PARVA: variants seen among roughly 807,000 people sequenced by gnomAD.
The protein encoded by PARVA is alpha-parvin.
Under a neutral mutation model 52.6 loss-of-function variants are expected in PARVA, and 25 were observed. The observed-to-expected ratio is 0.48, with a 90% CI of 0.35 to 0.66. The LOEUF (loss-of-function observed/expected upper bound fraction) is 0.66, where lower values mean the gene tolerates loss of function less well. PARVA is among the 30% of genes least tolerant of loss of function. PARVA has a pLI of 0.01. For synonymous variants in PARVA, 185 were observed against 179.1 expected, an observed-to-expected ratio of 1.03 and a Z score of -0.26; for missense variants, 373 against 450.9, an observed-to-expected ratio of 0.83 and a Z score of 1.56.
chr11:12,508,553 C>T (rs947627986), intron 6 of PARVA, 31 bp from the exon 7 acceptor site: 33 of 1,531,850 alleles, frequency 2.2e-5, no homozygotes, highest in Non-Finnish European at 2.8e-5. Flanking sequence ...TTCTCTTCTC[C>T]TCCCAACCCC....
At chr11:12,386,971 G>C (rs188966634) in intron 1 of PARVA, among the ~76,000 whole-genome samples, 3 of 152,250 alleles carry the variant, frequency 2.0e-5, no homozygotes, top group Admixed American at 6.5e-5. Flanking sequence ...TCCATATTAG[G>C]AATCAGCCTT....
At chr11:12,432,318 G>A (rs1244919353) in intron 1 of PARVA, among the ~76,000 whole-genome samples, 3 of 152,220 alleles carry the variant, frequency 2.0e-5, no homozygotes, top group Admixed American at 1.3e-4. Flanking sequence ...GTTTAGGACA[G>A]TAGTATCTTT....
intron 1 of PARVA, among the ~76,000 whole-genome samples, chr11:12,411,873 C>CA (rs1429965127): frequency 6.6e-6 from 1 of 152,204 alleles, no homozygotes; most frequent in Non-Finnish European, 1.5e-5. Flanking sequence ...GCCCTGCCCA[C>CA]ATCACCAGCC....
rs1049085714 is a variant in PARVA, at chr11:12,510,635, T to C, written c.717-879T>C. On this transcript the variant is annotated intron_variant, in intron 7 of 12. Transcript: ENST00000334956. ...CATGGCCGGGGAGGCCTCAGAATCA[T>C]GGCAGGAGGCAAAAGGCTCTTCTTA... 2.0e-5 allele frequency among the ~76,000 whole-genome samples: 3 copies of C among 152,120 alleles called. No homozygotes were observed. In the East Asian group the frequency reaches 5.8e-4, roughly 29 times the overall value.
Position 12,454,310 on chromosome 11 carries a change from T to C in PARVA, c.137-19435T>C, listed in dbSNP as rs138118820. 3.6e-3 allele frequency among the ~76,000 whole-genome samples: 541 copies of C among 152,324 alleles called. 1 individual carries two copies. The highest frequency in any genetic ancestry group is 6.7e-3 in the Admixed American group (103 of 15,302). On this transcript the variant is annotated intron_variant, in intron 1 of 12. Transcript: ENST00000334956. ...TCCAATATTGACTAAATAGTATAAT[T>C]TTTTTCTTTACACAAATTGCCACTT...
At chr11:12,485,541 A>G (rs1435790372) in intron 4 of PARVA, among the ~76,000 whole-genome samples, 2 of 152,222 alleles carry the variant, frequency 1.3e-5, no homozygotes, top group African/African-American at 4.8e-5. Flanking sequence ...CAGTGGCCAA[A>G]GCTGGAATTA....
intron 4 of PARVA, among the ~76,000 whole-genome samples, chr11:12,489,682 C>T (rs1941207077): frequency 6.6e-6 from 1 of 152,138 alleles, no homozygotes; most frequent in Non-Finnish European, 1.5e-5. Flanking sequence ...TACACCTACA[C>T]ATTTTACAGT....
chr11:12,503,434 C>T (rs1383233801), intron 5 of PARVA, among the ~76,000 whole-genome samples: 1 of 152,052 alleles, frequency 6.6e-6, no homozygotes, highest in Non-Finnish European at 1.5e-5. Context: ...TGGGCAGGGA[C>T]ATGGGACCGG....
intron 1 of PARVA, among the ~76,000 whole-genome samples, chr11:12,431,928 C>T (rs572927493): frequency 9.7e-4 from 148 of 152,358 alleles, no homozygotes; most frequent in South Asian, 2.9e-3. Flanking sequence ...ACTCTGGCTG[C>T]AGCCTTGGTC....
intron 1 of PARVA, among the ~76,000 whole-genome samples, chr11:12,456,528 C>T (rs553878693): frequency 2.0e-5 from 3 of 152,132 alleles, no homozygotes; most frequent in Admixed American, 2.0e-4. Context: ...TGTGGCTCCC[C>T]ATTGCTTTCA....
intron 1 of PARVA, 39 bp downstream of exon 1, chr11:12,377,822 C>CG: frequency 6.9e-7 from 1 of 1,448,426 alleles, no homozygotes; most frequent in Non-Finnish European, 9.1e-7. Flanking sequence ...CGGTAGGAGC[C>CG]GGGGGTGCCG....
chr11:12,464,556 T>G (rs750443028), intron 1 of PARVA, among the ~76,000 whole-genome samples: 5 of 152,212 alleles, frequency 3.3e-5, no homozygotes, highest in Non-Finnish European at 7.3e-5. Context: ...CCAGAGATAC[T>G]TAAGTTCGTA....
At chr11:12,506,385 T>TC (rs1210584826) in intron 6 of PARVA, among the ~76,000 whole-genome samples, 1 of 152,224 alleles carries the variant, frequency 6.6e-6, no homozygotes, top group Non-Finnish European at 1.5e-5. Flanking sequence ...TTGTGACAAA[T>TC]CCAGTCCAGT....
Position 12,486,139 on chromosome 11 carries a change from T to TAAC in PARVA, c.400+8193_400+8195dup, listed in dbSNP as rs556275957. 2.6e-3 allele frequency among the ~76,000 whole-genome samples: 390 copies of TAAC among 152,338 alleles called. 1 individual carries two copies. Among genetic ancestry groups the TAAC allele is most frequent in the African/African-American group, 9.0e-3 (373 of 41,568 alleles). Reference sequence around the variant, plus strand: ...TATGTACGATAGTAATGTGAGCTGTTAACAATAGGAGGGGAAACTGAGTTC... The same window carrying TAAC: ...TATGTACGATAGTAATGTGAGCTGTTAACAACAATAGGAGGGGAAACTGAGTTC... On this transcript the variant is annotated intron_variant, in intron 4 of 12. Coordinates refer to ENST00000334956, the MANE Select transcript of PARVA (RefSeq NM_018222.5).
At chr11:12,397,579 C>G in intron 1 of PARVA, among the ~76,000 whole-genome samples, 1 of 152,170 alleles carries the variant, frequency 6.6e-6, no homozygotes, top group Admixed American at 6.5e-5. Context: ...TAGTAAAACT[C>G]TTATTCTTGT....
chr11:12,399,047 C>T (rs1413845254), intron 1 of PARVA, among the ~76,000 whole-genome samples: 1 of 152,172 alleles, frequency 6.6e-6, no homozygotes, highest in Non-Finnish European at 1.5e-5. Context: ...AGAGGTTGAG[C>T]AACTAGCCCA....
At position 12,458,650 on chromosome 11, in the gene PARVA, G is replaced by A. The variant is rs144980150; in HGVS notation, c.137-15095G>A. The stretch of plus-strand genomic sequence containing the variant: ...GACTCTGGCCCCCAGTTCTCTGGGT[G>A]GGCACAGCAGATGCTTGTGCACCCC... On this transcript the variant is annotated intron_variant, in intron 1 of 12. Transcript: ENST00000334956. Among the ~76,000 whole-genome samples the A allele has an allele frequency of 1.8e-3, 271 of 152,272 alleles. 1 individual carries two copies. The highest frequency in any genetic ancestry group is 6.2e-3 in the African/African-American group (258 of 41,566).
At chr11:12,388,579 C>T (rs1228295110) in intron 1 of PARVA, among the ~76,000 whole-genome samples, 1 of 152,152 alleles carries the variant, frequency 6.6e-6, no homozygotes, top group Non-Finnish European at 1.5e-5. Flanking sequence ...AAAATTAGCC[C>T]ATGCTTACGG....
intron 5 of PARVA, among the ~76,000 whole-genome samples, chr11:12,502,705 T>A: frequency 6.6e-6 from 1 of 152,120 alleles, no homozygotes; most frequent in Non-Finnish European, 1.5e-5. Flanking sequence ...CAACAGTGGC[T>A]AGAATTTGTT....
Sources: allele counts gnomAD v4.1 joint callset (sites outside exome capture counted in the v4.1 genomes callset), GRCh38; gene constraint gnomAD v4.1.1; transcripts MANE v1.5; gene names NCBI Gene and HGNC (gene_info 2026-07-23, HGNC 2026-07-21).